Variants in SATB2 observed in about 807,000 individuals in gnomAD.
SATB2 encodes the protein SATB homeobox 2.
SATB2 carries 1 observed loss-of-function variant against 73.4 expected under a neutral mutation model. The observed-to-expected ratio is 0.01, with a 90% CI of 0.00 to 0.06. SATB2 has a LOEUF of 0.06. SATB2 is among the 10% of genes least tolerant of loss of function. The pLI is 1.00. For missense variants in SATB2, 459 were observed against 945.8 expected (o/e 0.49, Z 6.75); for synonymous variants, 397 against 367.0 (o/e 1.08, Z -0.93).
chr2:199,274,932 G>C (rs1692266389), intron 10 of SATB2, among the ~76,000 whole-genome samples: 1 of 152,138 alleles, frequency 6.6e-6, no homozygotes, highest in Non-Finnish European at 1.5e-5. Flanking sequence ...ACTGCAATAA[G>C]TAAACCTCTA....
Position 199,327,459 on chromosome 2 carries a change from T to A in SATB2, c.1386+1239A>T, listed in dbSNP as rs1466751754. 2.0e-5 allele frequency among the ~76,000 whole-genome samples: 3 copies of A among 151,954 alleles called. No individual in the cohort carries two copies. The East Asian group carries it at 5.8e-4, about 29-fold the overall frequency. ...CCTTCTCAAAAACAAACAAAAAAAA[T>A]TTATACCTGTTAAATACTGGTTTTG... On this transcript the variant is annotated intron_variant, in intron 8 of 10. Coordinates refer to ENST00000417098, the MANE Select transcript of SATB2 (RefSeq NM_001172509.2).
rs1037102192 is a variant in SATB2 at position 199,362,804 on chromosome 2, T to TA, written c.700+5800_700+5801insT. Among the ~76,000 whole-genome samples, 39 of 152,248 alleles carry TA rather than the reference T, an allele frequency of 2.6e-4. 1 individual carries two copies. Among genetic ancestry groups the TA allele is most frequent in the Admixed American group, 9.8e-4 (15 of 15,294 alleles). ...GTAGGCTTTTGGAAAGCAGGAACTA[T>TA]GTCTTATGCTTCTTCCAAAGAGTAG... is the stretch of plus-strand genomic sequence containing the variant. On this transcript the variant is annotated intron_variant, in intron 6 of 10. Coordinates refer to ENST00000417098, the MANE Select transcript of SATB2 (RefSeq NM_001172509.2).
intron 8 of SATB2, chr2:199,326,043 A>G (rs906859856): frequency 2.6e-5 from 4 of 152,156 alleles, no homozygotes; most frequent in Admixed American, 6.6e-5. Flanking sequence ...CCCTGCATCA[A>G]TGTCAAGCTG....
chr2:199,411,920 AT>A (rs1690832039), intron 3 of SATB2, among the ~76,000 whole-genome samples: 1 of 152,224 alleles, frequency 6.6e-6, no homozygotes, highest in Non-Finnish European at 1.5e-5. Context: ...CTCAATTGTA[AT>A]TGAATCTTAA....
intron 3 of SATB2, among the ~76,000 whole-genome samples, chr2:199,409,088 T>C (rs1324930494): frequency 6.6e-6 from 1 of 152,084 alleles, no homozygotes; most frequent in Non-Finnish European, 1.5e-5. Context: ...GGTATGATGA[T>C]ATAAAACAGA....
intron 3 of SATB2, among the ~76,000 whole-genome samples, chr2:199,394,318 T>C (rs1163400491): frequency 2.0e-5 from 3 of 152,134 alleles, no homozygotes; most frequent in African/African-American, 7.2e-5. Context: ...AATCTCAAAA[T>C]TATCTGATTA....
chr2:199,349,986 T>C (rs1490711740), intron 6 of SATB2, among the ~76,000 whole-genome samples: 3 of 152,188 alleles, frequency 2.0e-5, no homozygotes, highest in Admixed American at 2.0e-4. Context: ...AGTCACCTCA[T>C]AGCCAAATCC....
chr2:199,359,198 A>G (rs1443106498), intron 6 of SATB2, among the ~76,000 whole-genome samples: 1 of 152,168 alleles, frequency 6.6e-6, no homozygotes, highest in East Asian at 1.9e-4. Context: ...CAATCAATTC[A>G]TGATTCATTC....
At chr2:199,354,550 C>T (rs578167312) in intron 6 of SATB2, among the ~76,000 whole-genome samples, 7 of 152,184 alleles carry the variant, frequency 4.6e-5, no homozygotes, top group Non-Finnish European at 8.8e-5. Context: ...GTTTAAGAAA[C>T]CGTCAAGGCA....
At chr2:199,327,510 C>T (rs1688063300) in intron 8 of SATB2, among the ~76,000 whole-genome samples, 1 of 152,102 alleles carries the variant, frequency 6.6e-6, no homozygotes, top group Non-Finnish European at 1.5e-5. Flanking sequence ...ACAGAACCTG[C>T]AACTATCATA....
chr2:199,328,144 ACGT>A (rs1688082381), intron 8 of SATB2, among the ~76,000 whole-genome samples: 1 of 152,076 alleles, frequency 6.6e-6, no homozygotes, highest in African/African-American at 2.4e-5. Flanking sequence ...CTCACCTACC[ACGT>A]ATGGAAGAAT....
intron 6 of SATB2, among the ~76,000 whole-genome samples, chr2:199,363,891 C>T (rs540504688): frequency 1.3e-5 from 2 of 152,346 alleles, no homozygotes; most frequent in South Asian, 4.1e-4. Context: ...GGCAGACAAA[C>T]TTCCTTACAG....
intron 6 of SATB2, among the ~76,000 whole-genome samples, chr2:199,352,464 G>GTT (rs906371711): frequency 3.1e-4 from 47 of 152,112 alleles, no homozygotes; most frequent in African/African-American, 1.1e-3. Context: ...ATTCTTTAAG[G>GTT]TTATATATAA....
intron 6 of SATB2, among the ~76,000 whole-genome samples, chr2:199,358,653 C>G (rs934418944): frequency 1.7e-4 from 26 of 152,278 alleles, no homozygotes; most frequent in African/African-American, 6.3e-4. Flanking sequence ...GCCTACCAGC[C>G]AGCATTGTGA....
At chr2:199,384,702 C>T (rs1013103360) in intron 3 of SATB2, among the ~76,000 whole-genome samples, 1 of 152,124 alleles carries the variant, frequency 6.6e-6, no homozygotes, top group African/African-American at 2.4e-5. Context: ...CTGTCACCTA[C>T]TAATTATGTA....
intron 3 of SATB2, among the ~76,000 whole-genome samples, chr2:199,417,439 A>G (rs1438292228): frequency 2.0e-5 from 3 of 152,222 alleles, no homozygotes; most frequent in Non-Finnish European, 2.9e-5. Flanking sequence ...GAAGAAGAGA[A>G]AAGATATGAG....
intron 3 of SATB2, among the ~76,000 whole-genome samples, chr2:199,423,337 G>A (rs1691229163): frequency 6.6e-6 from 1 of 152,026 alleles, no homozygotes; most frequent in Admixed American, 6.6e-5. Flanking sequence ...AAAAATATTT[G>A]TTAAATGAGT....
intron 3 of SATB2, among the ~76,000 whole-genome samples, chr2:199,391,782 A>T (rs1306647131): frequency 6.6e-6 from 1 of 152,216 alleles, no homozygotes; most frequent in Non-Finnish European, 1.5e-5. Context: ...GGTGATAAAT[A>T]ATGACAATGG....
chr2:199,444,892 G>A (rs1173975129), intron 2 of SATB2, among the ~76,000 whole-genome samples: 1 of 152,134 alleles, frequency 6.6e-6, no homozygotes, highest in East Asian at 1.9e-4. Flanking sequence ...CAAAGAGCAA[G>A]CCTGTGTTTA....
Sources: allele counts gnomAD v4.1 joint callset (sites outside exome capture counted in the v4.1 genomes callset), GRCh38; gene constraint gnomAD v4.1.1; transcripts MANE v1.5; gene names NCBI Gene and HGNC (gene_info 2026-07-23, HGNC 2026-07-21).